Variants in TMEM39B observed in about 807,000 individuals in gnomAD.
TMEM39B encodes transmembrane protein 39B.
TMEM39B carries 23 observed loss-of-function variants against 52.2 expected under a neutral mutation model. The ratio of observed to expected loss-of-function variants is 0.44; its 90% CI spans 0.32 to 0.62. The LOEUF is 0.62. TMEM39B is among the 20% of genes least tolerant of loss of function. The probability of loss-of-function intolerance (pLI) is 0.06; values close to 1 mark genes in which losing one functional copy is unlikely to be tolerated. For synonymous variants in TMEM39B, 285 were observed against 264.0 expected (o/e 1.08, Z -0.77); for missense variants, 547 against 642.0 (o/e 0.85, Z 1.60).
intron 1 of TMEM39B, 168 bp downstream of exon 1, chr1:32,073,219 C>T (rs1258675765): frequency 1.6e-5 from 12 of 752,610 alleles, no homozygotes; most frequent in Non-Finnish European, 2.0e-5. Context: ...GGGGTGGGGC[C>T]TCTGTTGTGG....
intron 1 of TMEM39B, chr1:32,073,303 G>A (rs912934509): frequency 2.0e-6 from 1 of 489,078 alleles, no homozygotes; most frequent in South Asian, 4.8e-5. Flanking sequence ...GTGAGGACCA[G>A]CTCGTCGGGG....
At chr1:32,077,642 T>C (rs1249070905) in intron 5 of TMEM39B, among the ~76,000 whole-genome samples, 1 of 152,170 alleles carries the variant, frequency 6.6e-6, no homozygotes, top group African/African-American at 2.4e-5. Context: ...CCCCTCCCTC[T>C]GGTTCTTTCC....
At position 32,094,858 on chromosome 1, in the gene TMEM39B, C is replaced by T; in HGVS notation, c.1002C>T (p.Leu334=). 1 of 1,614,234 alleles carries T rather than the reference C, an allele frequency of 6.2e-7. No individual in the cohort carries two copies. The highest frequency in any genetic ancestry group is 8.5e-7 in the Non-Finnish European group (1 of 1,180,050). ...LLVSISTSVI[L]MQHLLPASYC... The stretch of plus-strand genomic sequence containing the variant: ...TGTCCATCAGCACCTCCGTGATCCT[C>T]ATGCAGCACCTGCTGCCTGCCAGCT... Residue 334 remains leucine, a synonymous_variant, in exon 7 of 9, where the codon CTC becomes CTT. Transcript: ENST00000336294.
chr1:32,075,387 A>C lies in TMEM39B; in HGVS notation c.132-216A>C, dbSNP rs1231270516. Among the ~76,000 whole-genome samples, 3 of 152,028 alleles carry C rather than the reference A, an allele frequency of 2.0e-5. No homozygotes were observed. In the East Asian group the frequency reaches 5.8e-4, roughly 29 times the overall value. ...TCCTCATCTGTAAGATGGACCTAAT[A>C]ATTCTTTCTCTCCTAGGGGGTGTTG... is the stretch of plus-strand genomic sequence containing the variant. On this transcript the variant is annotated intron_variant, in intron 2 of 8. Transcript: ENST00000336294.
In TMEM39B at chr1:32,091,567, C is replaced by A. The variant is rs1010447843; in HGVS notation, c.591-108C>A. On this transcript the variant is annotated intron_variant, in intron 5 of 8. Coordinates refer to ENST00000336294, the MANE Select transcript of TMEM39B (RefSeq NM_018056.4). ...GGACTGGTAAATTCTCCCCTCTGGG[C>A]AGCCAGGAGAGCTGAGGCCCAGGAA... 3.9e-6 allele frequency: 5 copies of A among 1,283,468 alleles called. No individual in the cohort carries two copies. In the South Asian group the frequency reaches 4.6e-5, roughly 12 times the overall value. The allele number at this position is 1,283,468 out of a possible 1,614,324, so 79.5% of individuals were successfully genotyped here. A position where few individuals can be genotyped will look rare whatever the true frequency, so the allele number is the denominator to read the frequency against.
chr1:32,098,426 C>T (rs1640894609), intron 7 of TMEM39B, among the ~76,000 whole-genome samples: 2 of 149,598 alleles, frequency 1.3e-5, no homozygotes. Flanking sequence ...GGAGATCTCA[C>T]AGGACATTAT....
intron 5 of TMEM39B, among the ~76,000 whole-genome samples, chr1:32,088,917 C>A (rs1225716040): frequency 6.6e-6 from 1 of 151,892 alleles, no homozygotes; most frequent in Non-Finnish European, 1.5e-5. Context: ...CTTTTCTAGT[C>A]AAAATTCTAT....
At chr1:32,086,054 G>T (rs1372395147) in intron 5 of TMEM39B, among the ~76,000 whole-genome samples, 1 of 152,122 alleles carries the variant, frequency 6.6e-6, no homozygotes, top group Non-Finnish European at 1.5e-5. Flanking sequence ...AGGCCAGAAA[G>T]GGAGTGGTGG....
chr1:32,075,848 G>T, intron 3 of TMEM39B, 26 bp downstream of exon 3: 2 of 1,348,608 alleles, frequency 1.5e-6, no homozygotes, highest in South Asian at 1.4e-5. Context: ...GGGTGTGTGT[G>T]TGTGTGTGTG....
intron 1 of TMEM39B, chr1:32,073,338 A>G (rs1039393074): frequency 5.3e-6 from 2 of 373,856 alleles, no homozygotes; most frequent in Non-Finnish European, 9.0e-6. Context: ...GGGACTTACC[A>G]GTGGGCGTGG....
At chr1:32,078,983 A>G (rs532391941) in intron 5 of TMEM39B, among the ~76,000 whole-genome samples, 1 of 152,188 alleles carries the variant, frequency 6.6e-6, no homozygotes, top group South Asian at 2.1e-4. Flanking sequence ...TATGCTATGC[A>G]TGATGTACAA....
At chr1:32,088,954 A>C (rs1353681636) in intron 5 of TMEM39B, among the ~76,000 whole-genome samples, 1 of 152,012 alleles carries the variant, frequency 6.6e-6, no homozygotes, top group Non-Finnish European at 1.5e-5. Context: ...GCCAGAAACT[A>C]TGCTAAGGGT....
At chr1:32,082,024 C>T (rs1436208524) in intron 5 of TMEM39B, among the ~76,000 whole-genome samples, 1 of 152,154 alleles carries the variant, frequency 6.6e-6, no homozygotes, top group Non-Finnish European at 1.5e-5. Flanking sequence ...CGATCCCATC[C>T]TTACTGTTCC....
chr1:32,089,192 A>C (rs1256572529), intron 5 of TMEM39B, among the ~76,000 whole-genome samples: 1 of 143,612 alleles, frequency 7.0e-6, no homozygotes, highest in African/African-American at 2.6e-5. Flanking sequence ...GCTGGAGTGC[A>C]GTAGTGTGAT....
chr1:32,097,089 G>A (rs1196384843), intron 7 of TMEM39B, among the ~76,000 whole-genome samples: 1 of 152,096 alleles, frequency 6.6e-6, no homozygotes, highest in Non-Finnish European at 1.5e-5. Context: ...ACAGGCATGA[G>A]CCACTGCACT....
intron 5 of TMEM39B, among the ~76,000 whole-genome samples, chr1:32,084,614 G>T (rs904692398): frequency 6.6e-6 from 1 of 151,968 alleles, no homozygotes; most frequent in East Asian, 1.9e-4. Context: ...CTGTCGCCCA[G>T]GGTGGAGTGC....
intron 5 of TMEM39B, among the ~76,000 whole-genome samples, chr1:32,082,092 A>G (rs1303768144): frequency 1.3e-5 from 2 of 152,048 alleles, no homozygotes; most frequent in Admixed American, 6.6e-5. Context: ...CATCAATAGT[A>G]TAAGTATCCC....
At chr1:32,094,719 G>A in intron 6 of TMEM39B, 65 bp from the exon 7 acceptor site, 1 of 1,570,218 alleles carries the variant, frequency 6.4e-7, no homozygotes, top group South Asian at 1.1e-5. Flanking sequence ...GGTAGAATCA[G>A]GGAAGGAAAG....
chr1:32,096,349 C>T (rs148161350), intron 7 of TMEM39B, among the ~76,000 whole-genome samples: 2 of 151,716 alleles, frequency 1.3e-5, no homozygotes, highest in East Asian at 3.9e-4. Context: ...GCATTTAATG[C>T]TGTCTACTGT....
Sources: gnomAD v4.1 joint callset for allele counts (sites outside exome capture counted in the v4.1 genomes callset) on GRCh38, gnomAD v4.1.1 for gene constraint, MANE v1.5 for transcripts, NCBI Gene and HGNC (gene_info 2026-07-23, HGNC 2026-07-21) for gene names.